CFAP77: variants seen among roughly 807,000 people sequenced by gnomAD.
CFAP77 encodes the protein cilia and flagella associated protein 77.
CFAP77 carries 25 observed loss-of-function variants against 31.1 expected under a neutral mutation model. The ratio of observed to expected loss-of-function variants is 0.80; its 90% CI spans 0.59 to 1.12. The LOEUF (loss-of-function observed/expected upper bound fraction) is 1.12, where lower values mean the gene tolerates loss of function less well. Among genes scored for constraint, CFAP77 ranks in the 50% most tolerant of loss-of-function variants. CFAP77 has a pLI of 0.00. For missense variants in CFAP77, 377 were observed against 397.3 expected (o/e 0.95, Z 0.44); for synonymous variants, 151 against 159.9 (o/e 0.94, Z 0.42).
At position 132,471,080 on chromosome 9, in the gene CFAP77, G is replaced by A. The variant is rs746799772; in HGVS notation, c.196-27615G>A. Among the ~76,000 whole-genome samples the A allele has an allele frequency of 5.3e-5, 8 of 152,064 alleles. No individual in the cohort carries two copies. In the South Asian group the frequency reaches 1.2e-3, roughly 24 times the overall value. ...CACTTGTGTGGGCCCCTATAAGGACGGTGGGCCCAGGGCACTGTGTCCCAC... is the reference window on the plus strand; with the variant it reads ...CACTTGTGTGGGCCCCTATAAGGACAGTGGGCCCAGGGCACTGTGTCCCAC... On this transcript the variant is annotated intron_variant, in intron 1 of 5. Coordinates refer to ENST00000393216, the MANE Select transcript of CFAP77 (RefSeq NM_001282957.2).
At chr9:132,486,002 A>G (rs28609031) in intron 1 of CFAP77, among the ~76,000 whole-genome samples, 13,922 of 30,698 alleles carry the variant, frequency 0.45, 2,644 homozygotes, top group East Asian at 0.64. Context: ...ATATATATAT[A>G]TATATATATA....
chr9:132,496,730 G>C (rs572844169), intron 1 of CFAP77, among the ~76,000 whole-genome samples: 1 of 152,350 alleles, frequency 6.6e-6, no homozygotes, highest in South Asian at 2.1e-4. Context: ...TAATAAGGAG[G>C]CTTGTCTAGG....
At chr9:132,524,219 T>C (rs1408374354) in intron 3 of CFAP77, among the ~76,000 whole-genome samples, 1 of 152,162 alleles carries the variant, frequency 6.6e-6, no homozygotes, top group East Asian at 1.9e-4. Context: ...CGGTTTGTGA[T>C]CATAAAATGA....
chr9:132,524,894 C>T (rs1327388664), intron 3 of CFAP77, among the ~76,000 whole-genome samples: 2 of 149,282 alleles, frequency 1.3e-5, no homozygotes, highest in South Asian at 2.2e-4. Context: ...ATGATCCTCC[C>T]GCCTTGGCCT....
chr9:132,540,355 G>A (rs562616702), intron 4 of CFAP77, among the ~76,000 whole-genome samples: 1 of 152,310 alleles, frequency 6.6e-6, no homozygotes, highest in South Asian at 2.1e-4. Flanking sequence ...AGCTCGTGTG[G>A]TTTGGAGCAG....
intron 1 of CFAP77, among the ~76,000 whole-genome samples, chr9:132,493,131 T>G (rs1005766377): frequency 4.6e-5 from 7 of 152,120 alleles, no homozygotes; most frequent in Admixed American, 2.0e-4. Flanking sequence ...TCTCTGACAC[T>G]GTGATGTAGT....
rs368406821 is a variant in CFAP77 at position 132,529,970 on chromosome 9, T to C, written c.525-7631T>C. ...CATTTGGTAGTGTCATTATGCCCTC[T>C]TATTTTAGCTGTACTAATGGGGGCA... On this transcript the variant is annotated intron_variant, in intron 3 of 5. Coordinates refer to ENST00000393216, the MANE Select transcript of CFAP77 (RefSeq NM_001282957.2). 6.6e-5 allele frequency among the ~76,000 whole-genome samples: 10 copies of C among 152,278 alleles called. No homozygotes were observed. In the South Asian group the frequency reaches 1.0e-3, roughly 16 times the overall value.
intron 1 of CFAP77, among the ~76,000 whole-genome samples, chr9:132,452,853 G>A (rs1850849594): frequency 6.6e-6 from 1 of 152,200 alleles, no homozygotes; most frequent in Admixed American, 6.5e-5. Flanking sequence ...CTGAGCAGGA[G>A]GGAGGACCAG....
chr9:132,498,091 A>T lies in CFAP77; in HGVS notation c.196-604A>T, dbSNP rs1444755337. On this transcript the variant is annotated intron_variant, in intron 1 of 5. Transcript: ENST00000393216. This position sits in a 1 kb window ranked among gnomAD's most constrained non-coding sequence, Gnocchi z 4.2. Reference sequence around the variant, plus strand: ...TGACAGGGCAATTTCATTTGCACAAACCACCTCTGAGAGGCCAAGGAGTTC... The same window carrying T: ...TGACAGGGCAATTTCATTTGCACAATCCACCTCTGAGAGGCCAAGGAGTTC... 6.6e-6 allele frequency among the ~76,000 whole-genome samples: 1 copy of T among 152,068 alleles called. No individual in the cohort carries two copies. The highest frequency in any genetic ancestry group is 1.5e-5 in the Non-Finnish European group (1 of 68,000).
chr9:132,561,246 A>C lies in CFAP77; in HGVS notation c.733-11142A>C, dbSNP rs1326136080. ...AGACAGCCTCTCAATCTTTTAAAGC[A>C]AAATCTCTCTCCCAGTCACCTGAGC... On this transcript the variant is annotated intron_variant, in intron 5 of 5. Coordinates refer to ENST00000393216, the MANE Select transcript of CFAP77 (RefSeq NM_001282957.2). Among the ~76,000 whole-genome samples the C allele has an allele frequency of 7.9e-5, 12 of 152,262 alleles. No homozygotes were observed. The East Asian group carries it at 2.3e-3, about 29-fold the overall frequency.
intron 1 of CFAP77, among the ~76,000 whole-genome samples, chr9:132,464,505 A>G (rs933225824): frequency 1.2e-4 from 19 of 152,366 alleles, no homozygotes; most frequent in African/African-American, 4.6e-4. Context: ...TCTAGAAGCC[A>G]CATTCAATAC....
chr9:132,543,172 G>T, intron 5 of CFAP77, 125 bp downstream of exon 5: 1 of 716,576 alleles, frequency 1.4e-6, no homozygotes. Flanking sequence ...AACAGCCGCA[G>T]CAGCAATCGC....
chr9:132,510,281 C>A (rs1407961082), intron 3 of CFAP77, among the ~76,000 whole-genome samples: 1 of 152,206 alleles, frequency 6.6e-6, no homozygotes, highest in African/African-American at 2.4e-5. Context: ...CAGAGCTGGG[C>A]CTCACCCGTG....
chr9:132,537,631 G>A lies in CFAP77; in HGVS notation c.555G>A (p.Gln185=). Residue 185 remains glutamine (Q), a synonymous_variant, in exon 4 of 6, where the codon CAG becomes CAA. Transcript: ENST00000393216. ...RPSTPFFDLL[Q]HRYLQLWVQE... is the part of the protein sequence containing the mutation. ...CCACACCCTTCTTTGATCTGCTGCA[G>A]CACCGGTACCTGCAGCTGTGGGTAC... 1 of 1,613,358 alleles carries A rather than the reference G, an allele frequency of 6.2e-7. No homozygotes were observed. Among genetic ancestry groups the A allele is most frequent in the East Asian group, 2.2e-5 (1 of 44,860 alleles).
Position 132,552,352 on chromosome 9 carries a change from A to G in CFAP77, c.732+9305A>G, listed in dbSNP as rs980577250. On this transcript the variant is annotated intron_variant, in intron 5 of 5. Coordinates refer to ENST00000393216, the MANE Select transcript of CFAP77 (RefSeq NM_001282957.2). The surrounding 1 kb of genome is among the most constrained non-coding windows in gnomAD (Gnocchi z 5.5). ...TGGAAGCTGCTCCTTTAGATGAGTTATTCGAAAACTTGGCTTTGCCTGGGA... is the reference window on the plus strand; with the variant it reads ...TGGAAGCTGCTCCTTTAGATGAGTTGTTCGAAAACTTGGCTTTGCCTGGGA... Among the ~76,000 whole-genome samples, 2 of 152,214 alleles carry G rather than the reference A, an allele frequency of 1.3e-5. No homozygotes were observed. The highest frequency in any genetic ancestry group is 4.8e-5 in the African/African-American group (2 of 41,466).
At chr9:132,536,154 C>T (rs1852539249) in intron 3 of CFAP77, among the ~76,000 whole-genome samples, 1 of 152,018 alleles carries the variant, frequency 6.6e-6, no homozygotes, top group African/African-American at 2.4e-5. Context: ...TTAGTTTTCT[C>T]TGGTTGGTTC....
At chr9:132,524,200 T>C (rs1253291919) in intron 3 of CFAP77, among the ~76,000 whole-genome samples, 2 of 152,110 alleles carry the variant, frequency 1.3e-5, no homozygotes, top group Admixed American at 1.3e-4. Flanking sequence ...GTGTATATTC[T>C]CCTTGTCTCG....
chr9:132,439,243 C>A (rs2095153), intron 1 of CFAP77, among the ~76,000 whole-genome samples: 16,795 of 152,166 alleles, frequency 0.11, 1,274 homozygotes, highest in East Asian at 0.25. Context: ...CTGTACCCAG[C>A]CCTGAGTCCT....
chr9:132,469,051 A>G (rs569345), intron 1 of CFAP77, among the ~76,000 whole-genome samples: 81,057 of 151,006 alleles, frequency 0.54, 23,057 homozygotes, highest in East Asian at 0.9. Flanking sequence ...TTCCATCTTT[A>G]TAATGGAGCC....
Sources: allele counts gnomAD v4.1 joint callset (sites outside exome capture counted in the v4.1 genomes callset), GRCh38; gene constraint gnomAD v4.1.1; non-coding constraint Gnocchi (gnomAD v3.1); transcripts MANE v1.5; gene names NCBI Gene and HGNC (gene_info 2026-07-23, HGNC 2026-07-21).